Variants in LRRC4C observed in about 807,000 individuals in gnomAD.
The protein encoded by LRRC4C is leucine-rich repeat-containing protein 4C.
Under a neutral mutation model 33.6 loss-of-function variants are expected in LRRC4C, and 5 were observed. The ratio of observed to expected loss-of-function variants is 0.15; its 90% CI spans 0.08 to 0.31. The LOEUF is 0.31. Ranked by LOEUF, LRRC4C falls within the 10% of genes least tolerant of loss-of-function variation. The pLI, the probability that LRRC4C is intolerant of heterozygous loss-of-function variation, is 1.00. For synonymous variants in LRRC4C, 329 were observed against 302.0 expected, an observed-to-expected ratio of 1.09 and a Z score of -0.93; for missense variants, 560 against 796.7, an observed-to-expected ratio of 0.70 and a Z score of 3.58.
At chr11:40,696,544 T>A (rs1023647956) in intron 2 of LRRC4C, among the ~76,000 whole-genome samples, 1 of 149,096 alleles carries the variant, frequency 6.7e-6, no homozygotes, top group African/African-American at 2.5e-5. Context: ...AGTGGTATTT[T>A]TCTTTTTATT....
intron 3 of LRRC4C, among the ~76,000 whole-genome samples, chr11:40,482,064 G>C (rs528292338): frequency 2.0e-5 from 3 of 152,166 alleles, no homozygotes; most frequent in Non-Finnish European, 4.4e-5. Flanking sequence ...GTCACTTGTA[G>C]CATCTACCAC....
intron 4 of LRRC4C, among the ~76,000 whole-genome samples, chr11:40,248,024 G>A (rs565659188): frequency 2.0e-5 from 3 of 152,222 alleles, no homozygotes; most frequent in African/African-American, 7.2e-5. Flanking sequence ...GTATGTAATC[G>A]TGAATCGAGG....
At chr11:40,537,554 CA>C (rs1187409997) in intron 3 of LRRC4C, among the ~76,000 whole-genome samples, 1 of 152,178 alleles carries the variant, frequency 6.6e-6, no homozygotes, top group Admixed American at 6.5e-5. Context: ...GGCATTTTCA[CA>C]AAGACTTTAT....
At chr11:41,173,678 T>C (rs1373076818) in intron 1 of LRRC4C, among the ~76,000 whole-genome samples, 2 of 152,092 alleles carry the variant, frequency 1.3e-5, no homozygotes, top group African/African-American at 2.4e-5. Context: ...ATTGACACCA[T>C]AGCCTACATT....
At chr11:41,092,007 ATATAAT>A (rs1940457756) in intron 1 of LRRC4C, among the ~76,000 whole-genome samples, 1 of 152,108 alleles carries the variant, frequency 6.6e-6, no homozygotes, top group African/African-American at 2.4e-5. Flanking sequence ...AAATATACAA[ATATAAT>A]TATAGTAGAA....
intron 1 of LRRC4C, among the ~76,000 whole-genome samples, chr11:41,129,476 CA>C (rs1329849744): frequency 2.0e-5 from 3 of 151,888 alleles, no homozygotes; most frequent in African/African-American, 7.2e-5. Context: ...TTTGTTCACA[CA>C]ATACTAAAGA....
Position 41,059,210 on chromosome 11 carries a change from G to GTTTTTTTTTTTTTTT in LRRC4C, c.-495-125502_-495-125488dup, listed in dbSNP as rs397935483. On this transcript the variant is annotated intron_variant, in intron 1 of 6. Transcript: ENST00000528697. Reference sequence around the variant, plus strand: ...ATATACTCCTGATACTAAAATAAAAGTTTTTTTTTTTTTTTAAGAAAAAGA... The same window carrying GTTTTTTTTTTTTTTT: ...ATATACTCCTGATACTAAAATAAAAGTTTTTTTTTTTTTTTTTTTTTTTTTTTTTTAAGAAAAAGA... Among the ~76,000 whole-genome samples, 21 of 125,214 alleles carry GTTTTTTTTTTTTTTT rather than the reference G, an allele frequency of 1.7e-4. 1 individual carries two copies. Among genetic ancestry groups the GTTTTTTTTTTTTTTT allele is most frequent in the East Asian group, 7.8e-4 (3 of 3,868 alleles). The allele number at this position is 125,214 out of a possible 152,430, so 82.1% of individuals were successfully genotyped here. A position where few individuals can be genotyped will look rare whatever the true frequency, so the allele number is the denominator to read the frequency against.
intron 1 of LRRC4C, among the ~76,000 whole-genome samples, chr11:41,068,322 G>A (rs1316769333): frequency 6.6e-6 from 1 of 152,074 alleles, no homozygotes; most frequent in Non-Finnish European, 1.5e-5. Flanking sequence ...GAACCGGGGA[G>A]GTGGAGGTTG....
chr11:40,427,335 C>G (rs1450272591), intron 3 of LRRC4C, among the ~76,000 whole-genome samples: 3 of 151,808 alleles, frequency 2.0e-5, no homozygotes, highest in Admixed American at 1.3e-4. Context: ...GAAACCACAT[C>G]TCTACTAAAA....
chr11:40,651,630 A>G (rs1942809794), intron 2 of LRRC4C, among the ~76,000 whole-genome samples: 1 of 152,222 alleles, frequency 6.6e-6, no homozygotes. Context: ...CATCAATGGA[A>G]AACTATACGT....
chr11:40,266,431 C>A (rs187220639), intron 4 of LRRC4C, among the ~76,000 whole-genome samples: 1 of 152,242 alleles, frequency 6.6e-6, no homozygotes, highest in Non-Finnish European at 1.5e-5. Context: ...TGTGCCACTG[C>A]ACTTCAGCCT....
chr11:41,286,372 C>T (rs990878962), intron 1 of LRRC4C, among the ~76,000 whole-genome samples: 4 of 152,080 alleles, frequency 2.6e-5, no homozygotes, highest in Non-Finnish European at 4.4e-5. Context: ...ACAAACGATA[C>T]TTTCTAATGG....
intron 1 of LRRC4C, among the ~76,000 whole-genome samples, chr11:41,122,685 T>A (rs1369034843): frequency 2.0e-5 from 3 of 151,984 alleles, no homozygotes. Context: ...GCCAAACATA[T>A]TTTTCAGGTG....
intron 1 of LRRC4C, among the ~76,000 whole-genome samples, chr11:41,324,756 A>G (rs972490536): frequency 6.6e-6 from 1 of 152,196 alleles, no homozygotes; most frequent in African/African-American, 2.4e-5. Context: ...GGGGAAAATA[A>G]AAATGAAGCT....
intron 4 of LRRC4C, among the ~76,000 whole-genome samples, chr11:40,246,487 T>C (rs1308551546): frequency 6.6e-6 from 1 of 152,198 alleles, no homozygotes; most frequent in Non-Finnish European, 1.5e-5. Context: ...TGAGGTGACA[T>C]ACATGATAGA....
chr11:41,258,033 T>C (rs1180656042), intron 1 of LRRC4C, among the ~76,000 whole-genome samples: 2 of 151,978 alleles, frequency 1.3e-5, no homozygotes, highest in East Asian at 3.9e-4. Flanking sequence ...CGATATATAA[T>C]TCTAAAACAA....
chr11:40,493,135 G>A (rs1334467082), intron 3 of LRRC4C, among the ~76,000 whole-genome samples: 1 of 151,602 alleles, frequency 6.6e-6, no homozygotes, highest in Non-Finnish European at 1.5e-5. Flanking sequence ...TAGAAATAGA[G>A]ATAGCTAAAT....
intron 3 of LRRC4C, among the ~76,000 whole-genome samples, chr11:40,368,491 A>G (rs1948311839): frequency 6.6e-6 from 1 of 152,150 alleles, no homozygotes; most frequent in Non-Finnish European, 1.5e-5. Flanking sequence ...TATTCAACCA[A>G]TGTCTTTATT....
intron 3 of LRRC4C, among the ~76,000 whole-genome samples, chr11:40,598,533 C>A (rs1031458471): frequency 6.6e-6 from 1 of 152,094 alleles, no homozygotes; most frequent in African/African-American, 2.4e-5. Context: ...AAGAAAAAGT[C>A]GCAATAAGCT....
Sources: gnomAD v4.1 joint callset for allele counts (sites outside exome capture counted in the v4.1 genomes callset) on GRCh38, gnomAD v4.1.1 for gene constraint, MANE v1.5 for transcripts, NCBI Gene and HGNC (gene_info 2026-07-23, HGNC 2026-07-21) for gene names.